The following IQSEC3 variants were observed in gnomAD, a reference collection of about 807,000 sequenced individuals.
IQSEC3 encodes IQ motif and SEC7 domain-containing protein 3.
A neutral mutation model predicts 105.4 loss-of-function variants in IQSEC3; 50 were observed. The ratio of observed to expected loss-of-function variants is 0.47; its 90% confidence interval spans 0.38 to 0.60. IQSEC3 has a LOEUF of 0.60. IQSEC3 is among the 20% of genes least tolerant of loss of function. The probability of loss-of-function intolerance (pLI) is 0.00; values close to 1 mark genes in which losing one functional copy is unlikely to be tolerated. For missense variants in IQSEC3, 1,415 were observed against 1,630.0 expected (o/e 0.87, Z 2.27); for synonymous variants, 708 against 746.0 (o/e 0.95, Z 0.83).
intron 1 of IQSEC3, among the ~76,000 whole-genome samples, chr12:92,882 G>A (rs1392268629): frequency 6.6e-6 from 1 of 152,184 alleles, no homozygotes; most frequent in Non-Finnish European, 1.5e-5. Flanking sequence ...GCCCCTTGGT[G>A]CTCACAAAAT....
intron 1 of IQSEC3, among the ~76,000 whole-genome samples, chr12:95,340 T>G: frequency 6.6e-6 from 1 of 152,338 alleles, no homozygotes; most frequent in Non-Finnish European, 1.5e-5. Context: ...ATAGATTATA[T>G]ATAATCTGTA....
chr12:110,014 A>G (rs1555079165), intron 2 of IQSEC3, among the ~76,000 whole-genome samples: 3 of 152,110 alleles, frequency 2.0e-5, no homozygotes, highest in Admixed American at 6.5e-5. Context: ...AACAACTTTT[A>G]TCAACAGCTT....
At position 174,629 on chromosome 12, in the gene IQSEC3, C is replaced by T. The variant is rs1262558656; in HGVS notation, c.3145C>T (p.Gln1049Ter). ...VSIHNRLQTS[Q>*]HNSGLGAERG... ...AATTCACAACAGGCTTCAAACGTCCCAGCACAACTCCGGGCTGGGGGCCGA... is the reference window on the plus strand; with the variant it reads ...AATTCACAACAGGCTTCAAACGTCCTAGCACAACTCCGGGCTGGGGGCCGA... The change falls in exon 14 of 14, where the codon CAG becomes TAG. Residue 1049 changes from glutamine (Q) to a stop codon, truncating the protein, a stop_gained. Coordinates refer to ENST00000538872, the MANE Select transcript of IQSEC3 (RefSeq NM_001170738.2). LOFTEE classifies it high-confidence loss of function. 2.6e-6 allele frequency: 4 copies of T among 1,568,530 alleles called. No homozygotes were observed. The highest frequency in any genetic ancestry group is 3.4e-6 in the Non-Finnish European group (4 of 1,165,728).
intron 1 of IQSEC3, among the ~76,000 whole-genome samples, chr12:93,578 G>A (rs1428000005): frequency 6.6e-6 from 1 of 152,224 alleles, no homozygotes; most frequent in Non-Finnish European, 1.5e-5. Context: ...GTCAGAGGAT[G>A]ACCTAGGCAA....
intron 1 of IQSEC3, among the ~76,000 whole-genome samples, chr12:74,992 C>T (rs143921944): frequency 2.8e-3 from 429 of 152,340 alleles, no homozygotes; most frequent in African/African-American, 9.7e-3. Flanking sequence ...AAACTTACAG[C>T]TAGTCCCATA....
In IQSEC3 at chr12:171,094, T is replaced by C; in HGVS notation, c.3065-18T>C. ...CTCAGCCGGTGGAGAATGAGCCCTG[T>C]GCTCTTTGCATTCAAAGCCAAAAGG... On this transcript the variant is annotated intron_variant, in intron 12 of 13. Coordinates refer to ENST00000538872, the MANE Select transcript of IQSEC3 (RefSeq NM_001170738.2). 5.0e-6 allele frequency: 8 copies of C among 1,613,384 alleles called. No individual in the cohort carries two copies. The highest frequency in any genetic ancestry group is 6.8e-6 in the Non-Finnish European group (8 of 1,179,886).
intron 3 of IQSEC3, among the ~76,000 whole-genome samples, chr12:135,071 G>A (rs569700295): frequency 6.6e-6 from 1 of 152,272 alleles, no homozygotes; most frequent in Non-Finnish European, 1.5e-5. Flanking sequence ...CGGAGGTTAT[G>A]GTGAGCCGAG....
At chr12:83,965 C>G (rs1555071397) in intron 1 of IQSEC3, among the ~76,000 whole-genome samples, 1 of 152,194 alleles carries the variant, frequency 6.6e-6, no homozygotes, top group Non-Finnish European at 1.5e-5. Context: ...CCCTACTTCA[C>G]AGAGGCAAAC....
In IQSEC3 at chr12:138,693, G is replaced by A. The variant is rs1269728454; in HGVS notation, c.1330G>A (p.Ala444Thr). 6.5e-7 allele frequency: 1 copy of A among 1,533,804 alleles called. No homozygotes were observed. Among genetic ancestry groups the A allele is most frequent in the Non-Finnish European group, 8.7e-7 (1 of 1,144,996 alleles). The change falls in exon 4 of 14, where the codon GCG becomes ACG. Residue 444 changes from alanine (A) to threonine (T), a missense_variant. Coordinates refer to ENST00000538872, the MANE Select transcript of IQSEC3 (RefSeq NM_001170738.2). The surrounding 1 kb of genome is among the most constrained non-coding windows in gnomAD (Gnocchi z 7.1). ...GCTCCACCAGGCCCTGCAGGCGGCCGCGGGGCCCCCAGGCCTGGAGGCCGA... is the reference window on the plus strand; with the variant it reads ...GCTCCACCAGGCCCTGCAGGCGGCCACGGGGCCCCCAGGCCTGGAGGCCGA... Reference protein sequence around the residue: ...YQLHQALQAAAGPPGLEAEGR... With the variant: ...YQLHQALQAATGPPGLEAEGR...
intron 2 of IQSEC3, among the ~76,000 whole-genome samples, chr12:119,188 G>C (rs376787001): frequency 6.6e-6 from 1 of 152,176 alleles, no homozygotes; most frequent in Non-Finnish European, 1.5e-5. Context: ...TTCCGTTTGC[G>C]TGAGGATTCC....
At chr12:123,478 T>A (rs1198840136) in intron 2 of IQSEC3, among the ~76,000 whole-genome samples, 2 of 152,162 alleles carry the variant, frequency 1.3e-5, no homozygotes, top group Non-Finnish European at 2.9e-5. Flanking sequence ...CATCTAGAGC[T>A]ATATTGAGCC....
At chr12:154,943 C>T (rs916747358) in intron 5 of IQSEC3, among the ~76,000 whole-genome samples, 4 of 142,378 alleles carry the variant, frequency 2.8e-5, no homozygotes, top group East Asian at 2.1e-4. Context: ...CTGGCCCACA[C>T]GCTCTGACCC....
chr12:99,899 C>T (rs1419077828), intron 2 of IQSEC3, among the ~76,000 whole-genome samples: 3 of 152,162 alleles, frequency 2.0e-5, no homozygotes, highest in Non-Finnish European at 4.4e-5. Flanking sequence ...TTGTGTTTCT[C>T]GTTTCTCCTC....
At chr12:105,580 T>C (rs1318407417) in intron 2 of IQSEC3, among the ~76,000 whole-genome samples, 1 of 152,242 alleles carries the variant, frequency 6.6e-6, no homozygotes, top group African/African-American at 2.4e-5. Flanking sequence ...TAGGGAACTG[T>C]GTGACCTGTC....
chr12:93,672 T>C (rs11837473), intron 1 of IQSEC3, among the ~76,000 whole-genome samples: 85,381 of 152,080 alleles, frequency 0.56, 24,974 homozygotes, highest in African/African-American at 0.68. Flanking sequence ...TGTGAATGTT[T>C]TCTGCTATGT....
At chr12:124,423 T>G (rs1865317764) in intron 2 of IQSEC3, among the ~76,000 whole-genome samples, 1 of 151,452 alleles carries the variant, frequency 6.6e-6, no homozygotes, top group African/African-American at 2.4e-5. Context: ...AAAAGAAAGT[T>G]TATTTACTGA....
intron 1 of IQSEC3, among the ~76,000 whole-genome samples, chr12:71,333 C>T (rs1417063341): frequency 6.6e-6 from 1 of 152,288 alleles, no homozygotes; most frequent in Non-Finnish European, 1.5e-5. Context: ...CCAGTCTATT[C>T]AAAACCCTGC....
At chr12:131,549 A>G (rs1415704916) in intron 3 of IQSEC3, among the ~76,000 whole-genome samples, 2 of 152,158 alleles carry the variant, frequency 1.3e-5, no homozygotes, top group Non-Finnish European at 2.9e-5. Context: ...CCTGGACAAG[A>G]GTCTGGAATT....
At chr12:139,923 C>G (rs553148935) in intron 4 of IQSEC3, 1 of 152,616 alleles carries the variant, frequency 6.6e-6, no homozygotes, top group East Asian at 1.9e-4. Flanking sequence ...ACCGCCATAG[C>G]TCAGAGACCC....
Sources: gnomAD v4.1 joint callset for allele counts (sites outside exome capture counted in the v4.1 genomes callset) on GRCh38, gnomAD v4.1.1 for gene constraint, Gnocchi (gnomAD v3.1) non-coding constraint, MANE v1.5 for transcripts, NCBI Gene and HGNC (gene_info 2026-07-23, HGNC 2026-07-21) for gene names.